SCMH1: variants seen among roughly 807,000 people sequenced by gnomAD.
The protein encoded by SCMH1 is Scm polycomb group protein homolog 1, also known as polycomb protein SCMH1.
In SCMH1, 37 loss-of-function variants were observed where a neutral mutation model predicts 70.8. The observed-to-expected ratio is 0.52, with a 90% CI of 0.40 to 0.69. The LOEUF (loss-of-function observed/expected upper bound fraction) is 0.69, where lower values mean the gene tolerates loss of function less well. SCMH1 is among the 30% of genes least tolerant of loss of function. SCMH1 has a pLI of 0.00. For missense variants in SCMH1, 607 were observed against 827.3 expected (o/e 0.73, Z 3.27); for synonymous variants, 292 against 307.4 (o/e 0.95, Z 0.52).
chr1:41,143,155 A>G (rs748204836), intron 5 of SCMH1, 43 bp from the exon 6 acceptor site: 16 of 1,502,836 alleles, frequency 1.1e-5, no homozygotes, highest in Admixed American at 3.5e-5. Flanking sequence ...TTAAGAGTAA[A>G]ACCCCAAAAT....
chr1:41,159,117 A>G (rs571263374), intron 4 of SCMH1, among the ~76,000 whole-genome samples: 1 of 152,282 alleles, frequency 6.6e-6, no homozygotes, highest in East Asian at 1.9e-4. Context: ...TCCAACTTTG[A>G]GATTCCACAG....
At chr1:41,099,621 C>T (rs1387411143) in intron 8 of SCMH1, among the ~76,000 whole-genome samples, 1 of 152,200 alleles carries the variant, frequency 6.6e-6, no homozygotes, top group East Asian at 1.9e-4. Context: ...CAAATAACCT[C>T]TTTAAGTTAT....
chr1:41,055,139 A>T (rs1649775970), intron 10 of SCMH1, among the ~76,000 whole-genome samples: 1 of 152,172 alleles, frequency 6.6e-6, no homozygotes, highest in South Asian at 2.1e-4. Context: ...GACAGCTTGG[A>T]CTAAAAGCAA....
At chr1:41,047,392 CTT>C (rs397861246) in intron 11 of SCMH1, among the ~76,000 whole-genome samples, 7,662 of 111,788 alleles carry the variant, frequency 0.069, 154 homozygotes, top group Admixed American at 0.1. Flanking sequence ...ACTTCCCAGT[CTT>C]TTTTTTTTTT....
intron 7 of SCMH1, among the ~76,000 whole-genome samples, chr1:41,116,658 C>T (rs1308966664): frequency 6.6e-6 from 1 of 152,126 alleles, no homozygotes; most frequent in Non-Finnish European, 1.5e-5. Flanking sequence ...TTAACATATT[C>T]TACTAATAAT....
In SCMH1 at chr1:41,211,709, A is replaced by C. The variant is rs554594837; in HGVS notation, c.-117-25459T>G. Among the ~76,000 whole-genome samples, 3 of 152,358 alleles carry C rather than the reference A, an allele frequency of 2.0e-5. No individual in the cohort carries two copies. The East Asian group carries it at 5.8e-4, about 29-fold the overall frequency. On this transcript the variant is annotated intron_variant, in intron 1 of 14. Coordinates refer to ENST00000337495, the Ensembl canonical transcript of SCMH1. ...ATAAATCATGCTACTATAAAGACAC[A>C]TGCACACATATGTTTACTGTGGCAC...
In SCMH1 at chr1:41,152,212, T is replaced by C. The variant is rs1319067677; in HGVS notation, c.107-528A>G. On this transcript the variant is annotated intron_variant, in intron 4 of 14. Transcript: ENST00000337495. ...GGAAGCCAGATGAGTGAGATTATAG[T>C]TGAATCCTCACTCTAAAAACTGGCT... Among the ~76,000 whole-genome samples the C allele has an allele frequency of 2.0e-5, 3 of 152,118 alleles. No individual in the cohort carries two copies. In the East Asian group the frequency reaches 5.8e-4, roughly 29 times the overall value.
At chr1:41,057,063 G>A (rs751519510) in intron 10 of SCMH1, among the ~76,000 whole-genome samples, 59 of 152,026 alleles carry the variant, frequency 3.9e-4, no homozygotes, top group African/African-American at 4.8e-5. Flanking sequence ...TTCCATTCGG[G>A]AGAAGAGAAA....
intron 6 of SCMH1, among the ~76,000 whole-genome samples, chr1:41,140,121 A>G (rs1412588752): frequency 6.6e-6 from 1 of 152,172 alleles, no homozygotes; most frequent in African/African-American, 2.4e-5. Context: ...TGAGACTGTT[A>G]GATGAGTGAT....
chr1:41,147,315 T>G (rs774242944), intron 5 of SCMH1, among the ~76,000 whole-genome samples: 21 of 152,164 alleles, frequency 1.4e-4, no homozygotes, highest in Non-Finnish European at 2.4e-4. Context: ...GCAGATATCC[T>G]TGTCTTGTTC....
chr1:41,201,608 G>A (rs554847772), intron 1 of SCMH1, among the ~76,000 whole-genome samples: 12 of 152,226 alleles, frequency 7.9e-5, no homozygotes, highest in Admixed American at 2.6e-4. Context: ...ACTCATTTCT[G>A]GTTGGGAAAC....
Position 41,113,669 on chromosome 1 carries a change from T to A in SCMH1, c.502-143A>T. On this transcript the variant is annotated intron_variant, in intron 7 of 14. Transcript: ENST00000337495. This position sits in a 1 kb window ranked among gnomAD's most constrained non-coding sequence, Gnocchi z 4.3. Reference sequence around the variant, plus strand: ...TATAGCCTTTCTTTTAAATTAATTTTAAATTCAATATTTCAATATTTAAAG... The same window carrying A: ...TATAGCCTTTCTTTTAAATTAATTTAAAATTCAATATTTCAATATTTAAAG... The A allele has an allele frequency of 1.4e-6, 1 of 739,166 alleles. No homozygotes were observed. Among genetic ancestry groups the A allele is most frequent in the Non-Finnish European group, 1.9e-6 (1 of 524,762 alleles). The allele number at this position is 739,166 out of a possible 1,614,324, so 45.8% of individuals were successfully genotyped here.
chr1:41,194,080 A>C (rs1363241717), intron 1 of SCMH1, among the ~76,000 whole-genome samples: 5 of 152,232 alleles, frequency 3.3e-5, no homozygotes, highest in Non-Finnish European at 1.5e-5. Flanking sequence ...CAGGATTTTG[A>C]ATAAGTCTCT....
intron 1 of SCMH1, among the ~76,000 whole-genome samples, chr1:41,196,708 C>G (rs527827732): frequency 6.6e-6 from 1 of 152,150 alleles, no homozygotes; most frequent in East Asian, 1.9e-4. Context: ...CTGGACTTCA[C>G]CAAAATGAAA....
At chr1:41,194,114 A>G (rs1652420010) in intron 1 of SCMH1, among the ~76,000 whole-genome samples, 1 of 152,206 alleles carries the variant, frequency 6.6e-6, no homozygotes, top group Non-Finnish European at 1.5e-5. Context: ...TTTCTATAAA[A>G]CAGGATTAAT....
chr1:41,029,246 T>C (rs1644175130), intron 13 of SCMH1, among the ~76,000 whole-genome samples: 1 of 152,264 alleles, frequency 6.6e-6, no homozygotes, highest in Non-Finnish European at 1.5e-5. Flanking sequence ...AGTCTCGCTC[T>C]GTCACCCAGG....
Position 41,161,442 on chromosome 1 carries a change from G to T in SCMH1, c.14-10C>A. 6.5e-7 allele frequency: 1 copy of T among 1,543,166 alleles called. No individual in the cohort carries two copies. ...TCACTCCAGTCTATCACTGCAGAGG[G>T]AGAGAAAAATAGTCATGTGGAAAGA... On this transcript the variant is annotated splice_polypyrimidine_tract_variant and intron_variant, in intron 2 of 14. Transcript: ENST00000337495.
chr1:41,096,508 G>A (rs985051689), intron 8 of SCMH1, among the ~76,000 whole-genome samples: 3 of 152,168 alleles, frequency 2.0e-5, no homozygotes, highest in African/African-American at 4.8e-5. Flanking sequence ...CATAGTGAAC[G>A]CTCAATAAAC....
At chr1:41,182,688 G>C (rs533733188) in intron 2 of SCMH1, among the ~76,000 whole-genome samples, 2 of 151,914 alleles carry the variant, frequency 1.3e-5, no homozygotes, top group Admixed American at 6.6e-5. Context: ...TCCAGCCTGG[G>C]GAACAGAGCA....
Sources: allele counts gnomAD v4.1 joint callset (sites outside exome capture counted in the v4.1 genomes callset), GRCh38; gene constraint gnomAD v4.1.1; non-coding constraint Gnocchi (gnomAD v3.1); transcripts MANE v1.5; gene names NCBI Gene and HGNC (gene_info 2026-07-23, HGNC 2026-07-21).